The following AJAP1 variants were observed in gnomAD, a reference collection of about 807,000 sequenced individuals.
AJAP1 encodes the protein adherens junctions associated protein 1.
AJAP1 carries 5 observed loss-of-function variants against 35.0 expected under a neutral mutation model. That is an observed-to-expected ratio of 0.14 (90% confidence interval 0.07 to 0.30). AJAP1 has a LOEUF of 0.30. Among genes scored for constraint, AJAP1 ranks in the 10% least tolerant of loss-of-function variants. AJAP1 has a pLI of 1.00. For synonymous variants in AJAP1, 284 were observed against 249.3 expected (o/e 1.14, Z -1.31); for missense variants, 586 against 571.0 (o/e 1.03, Z -0.27).
intron 1 of AJAP1, among the ~76,000 whole-genome samples, chr1:4,657,307 C>T (rs893406503): frequency 3.3e-5 from 5 of 152,052 alleles, no homozygotes; most frequent in African/African-American, 1.2e-4. Context: ...TTTCGTTTTT[C>T]CCCCCTCGAT....
chr1:4,721,444 G>T (rs1220616020), intron 2 of AJAP1, among the ~76,000 whole-genome samples: 1 of 152,236 alleles, frequency 6.6e-6, no homozygotes, highest in Non-Finnish European at 1.5e-5. Context: ...AGAGGGTCCT[G>T]TCCATCAGCA....
At chr1:4,695,001 G>A (rs1032055890) in intron 1 of AJAP1, among the ~76,000 whole-genome samples, 3 of 151,258 alleles carry the variant, frequency 2.0e-5, no homozygotes, top group African/African-American at 7.3e-5. Context: ...GAAGGTGGTG[G>A]GGAGAGGAGT....
At chr1:4,712,779 C>T in intron 2 of AJAP1, 80 bp downstream of exon 2, 1 of 1,392,170 alleles carries the variant, frequency 7.2e-7, no homozygotes, top group Non-Finnish European at 9.6e-7. Flanking sequence ...GCTTAGATGT[C>T]CCTGGGTGAT....
chr1:4,752,959 T>A (rs1365436558), intron 2 of AJAP1, among the ~76,000 whole-genome samples: 1 of 152,168 alleles, frequency 6.6e-6, no homozygotes, highest in African/African-American at 2.4e-5. Context: ...CTTCCTGGGG[T>A]GCTCCTTGGC....
At chr1:4,769,392 C>G (rs1252791591) in intron 2 of AJAP1, among the ~76,000 whole-genome samples, 1 of 152,210 alleles carries the variant, frequency 6.6e-6, no homozygotes, top group Admixed American at 6.5e-5. Flanking sequence ...AAACCCTGCT[C>G]CCACTCACAG....
chr1:4,675,074 G>A (rs560922532), intron 1 of AJAP1, among the ~76,000 whole-genome samples: 2 of 152,124 alleles, frequency 1.3e-5, no homozygotes, highest in African/African-American at 2.4e-5. Context: ...GAGAGCGGTG[G>A]GGGGGAAACA....
At chr1:4,706,313 G>A (rs1269790962) in intron 1 of AJAP1, among the ~76,000 whole-genome samples, 1 of 152,182 alleles carries the variant, frequency 6.6e-6, no homozygotes, top group Non-Finnish European at 1.5e-5. Context: ...AGAAGCACGG[G>A]TCTTCTTCAA....
chr1:4,689,239 A>T (rs574967748), intron 1 of AJAP1, among the ~76,000 whole-genome samples: 2 of 152,320 alleles, frequency 1.3e-5, no homozygotes, highest in African/African-American at 4.8e-5. Flanking sequence ...GATAAATCAG[A>T]ACGACGCGCC....
In AJAP1 at chr1:4,763,129, T is replaced by C. The variant is rs148499935; in HGVS notation, c.830-6724T>C. On this transcript the variant is annotated intron_variant, in intron 2 of 5. Coordinates refer to ENST00000378191, the MANE Select transcript of AJAP1 (RefSeq NM_018836.4). ...CTGTCCTGTGGGCTTGTCTTGTGCCTCAGAGGCCTCTGCCAGCATCTTTGG... is the reference window on the plus strand; with the variant it reads ...CTGTCCTGTGGGCTTGTCTTGTGCCCCAGAGGCCTCTGCCAGCATCTTTGG... 7.2e-4 allele frequency among the ~76,000 whole-genome samples: 109 copies of C among 152,282 alleles called. 2 individuals carry two copies. Among genetic ancestry groups the C allele is most frequent in the African/African-American group, 2.6e-3 (106 of 41,562 alleles).
chr1:4,754,537 A>G (rs762670115), intron 2 of AJAP1, among the ~76,000 whole-genome samples: 17 of 152,292 alleles, frequency 1.1e-4, no homozygotes, highest in Non-Finnish European at 2.1e-4. Flanking sequence ...TTCCCAGACC[A>G]TGGATGGCTT....
At chr1:4,781,214 G>T (rs1462787518) in intron 5 of AJAP1, among the ~76,000 whole-genome samples, 1 of 152,122 alleles carries the variant, frequency 6.6e-6, no homozygotes, top group Non-Finnish European at 1.5e-5. Flanking sequence ...CCCACCTGGG[G>T]CCCCTCCTCC....
intron 1 of AJAP1, among the ~76,000 whole-genome samples, chr1:4,673,978 C>T (rs1478596561): frequency 8.9e-6 from 1 of 112,974 alleles, no homozygotes; most frequent in African/African-American, 3.5e-5. Flanking sequence ...TTCAGACAAA[C>T]AAATGTATTT....
intron 1 of AJAP1, among the ~76,000 whole-genome samples, chr1:4,697,743 C>A: frequency 6.6e-6 from 1 of 152,232 alleles, no homozygotes; most frequent in South Asian, 2.1e-4. Flanking sequence ...ACACGTCTAA[C>A]AAGATGGTCC....
intron 2 of AJAP1, among the ~76,000 whole-genome samples, chr1:4,719,310 C>T (rs935250517): frequency 5.3e-5 from 8 of 152,194 alleles, no homozygotes; most frequent in African/African-American, 1.9e-4. Context: ...CATGGCCCCT[C>T]CTCCTCTTTT....
chr1:4,745,046 A>C (rs414176), intron 2 of AJAP1, among the ~76,000 whole-genome samples: 54,105 of 151,986 alleles, frequency 0.36, 10,032 homozygotes, highest in Middle Eastern at 0.42. Flanking sequence ...CCTCAGACAG[A>C]GCGTCCTTGG....
At chr1:4,716,265 G>T (rs1640387201) in intron 2 of AJAP1, among the ~76,000 whole-genome samples, 2 of 152,180 alleles carry the variant, frequency 1.3e-5, no homozygotes, top group Non-Finnish European at 1.5e-5. Flanking sequence ...GAGTTTCAGG[G>T]TAATGGTTAA....
rs373255018 is a variant in AJAP1 at position 4,655,471 on chromosome 1, G to A, written c.29+17G>A. On this transcript the variant is annotated intron_variant, in intron 1 of 5. Coordinates refer to ENST00000378191, the MANE Select transcript of AJAP1 (RefSeq NM_018836.4). The surrounding 1 kb of genome is among the most constrained non-coding windows in gnomAD (Gnocchi z 6.9). ...AGGACTCAGGTGAGCGACCCGGCCGGCGCCGGGTGCGTGTGGGCGCGTGGG... is the reference window on the plus strand; with the variant it reads ...AGGACTCAGGTGAGCGACCCGGCCGACGCCGGGTGCGTGTGGGCGCGTGGG... The A allele has an allele frequency of 2.6e-6, 4 of 1,564,320 alleles. No individual in the cohort carries two copies. In the African/African-American group the frequency reaches 5.6e-5, roughly 22 times the overall value.
intron 2 of AJAP1, among the ~76,000 whole-genome samples, chr1:4,763,780 T>C: frequency 7.0e-6 from 1 of 142,730 alleles, no homozygotes; most frequent in South Asian, 2.3e-4. Flanking sequence ...TCTTCCTCCC[T>C]CTCTCCCTCA....
At chr1:4,685,722 T>C (rs1232904722) in intron 1 of AJAP1, among the ~76,000 whole-genome samples, 1 of 152,168 alleles carries the variant, frequency 6.6e-6, no homozygotes, top group East Asian at 1.9e-4. Context: ...GGGTGCACCG[T>C]TGGGGGGTCC....
Sources: gnomAD v4.1 joint callset for allele counts (sites outside exome capture counted in the v4.1 genomes callset) on GRCh38, gnomAD v4.1.1 for gene constraint, Gnocchi (gnomAD v3.1) non-coding constraint, MANE v1.5 for transcripts, NCBI Gene and HGNC (gene_info 2026-07-23, HGNC 2026-07-21) for gene names.